SPC25: variants seen among roughly 807,000 people sequenced by gnomAD.
The protein encoded by SPC25 is SPC25 component of NDC80 kinetochore complex.
SPC25 carries 22 observed loss-of-function variants against 29.6 expected under a neutral mutation model. The observed-to-expected ratio is 0.74, with a 90% CI of 0.53 to 1.06. The LOEUF (loss-of-function observed/expected upper bound fraction) is 1.06, where lower values mean the gene tolerates loss of function less well. Ranked by LOEUF, SPC25 falls within the 50% of genes least tolerant of loss-of-function variation. The pLI is 0.00. For synonymous variants in SPC25, 91 were observed against 90.4 expected (o/e 1.01, Z -0.04); for missense variants, 230 against 255.8 (o/e 0.90, Z 0.69).
At chr2:168,863,493 A>ATCTT in intron 4 of SPC25, 1 of 985,418 alleles carries the variant, frequency 1.0e-6, no homozygotes, top group Non-Finnish European at 1.2e-6. Flanking sequence ...AAGGGGGCAG[A>ATCTT]TCTTTCTACT....
chr2:168,861,590 G>C (rs554794551), intron 4 of SPC25, among the ~76,000 whole-genome samples: 1 of 152,136 alleles, frequency 6.6e-6, no homozygotes, highest in South Asian at 2.1e-4. Context: ...ACACAGCTAG[G>C]GATGATGATA....
Position 168,882,622 on chromosome 2 carries a change from TAAAC to T in SPC25, c.200-5242_200-5239del, listed in dbSNP as rs1400105326. ...TCTCAAAAATAAATAAATAAATAAATAAACAGACAGACAGACTGCATTCAAACTC... is the reference window on the plus strand; with the variant it reads ...TCTCAAAAATAAATAAATAAATAAATAGACAGACAGACTGCATTCAAACTC... On this transcript the variant is annotated intron_variant, in intron 3 of 6. Transcript: ENST00000282074. 4.6e-5 allele frequency among the ~76,000 whole-genome samples: 7 copies of T among 151,124 alleles called. No individual in the cohort carries two copies. The East Asian group carries it at 7.7e-4, about 17-fold the overall frequency.
intron 4 of SPC25, chr2:168,864,711 A>G: frequency 9.2e-7 from 1 of 1,092,362 alleles, no homozygotes; most frequent in Non-Finnish European, 1.3e-6. Context: ...CATCTGAATC[A>G]AGTGCAGAAA....
downstream of SPC25, among the ~76,000 whole-genome samples, chr2:168,866,002 G>A (rs916944183): frequency 1.3e-5 from 2 of 152,294 alleles, no homozygotes; most frequent in African/African-American, 2.4e-5. Flanking sequence ...AACATTCCAT[G>A]CTCATGGGTA....
intron 3 of SPC25, among the ~76,000 whole-genome samples, chr2:168,886,417 T>C (rs1288650001): frequency 2.0e-5 from 3 of 152,200 alleles, no homozygotes; most frequent in African/African-American, 7.2e-5. Flanking sequence ...GAGTAGATTA[T>C]ACTTTATGCA....
intron 3 of SPC25, 21 bp from the exon 4 acceptor site, chr2:168,877,405 T>C: frequency 6.2e-7 from 1 of 1,613,016 alleles, no homozygotes; most frequent in Non-Finnish European, 8.5e-7. Context: ...CACAAGGTAT[T>C]AGCTAGAATA....
chr2:168,884,630 A>G (rs1690230401), intron 3 of SPC25, among the ~76,000 whole-genome samples: 1 of 151,988 alleles, frequency 6.6e-6, no homozygotes, highest in Admixed American at 6.6e-5. Context: ...CTCCTCTTTT[A>G]GTTTTGGTGA....
At chr2:168,877,588 T>A (rs1409747277) in intron 3 of SPC25, among the ~76,000 whole-genome samples, 2 of 151,164 alleles carry the variant, frequency 1.3e-5, no homozygotes, top group East Asian at 3.9e-4. Context: ...TTAAAAAAAA[T>A]GAGACAGAAA....
intron 4 of SPC25, among the ~76,000 whole-genome samples, chr2:168,861,692 A>G (rs1412742153): frequency 6.6e-6 from 1 of 152,216 alleles, no homozygotes; most frequent in Non-Finnish European, 1.5e-5. Flanking sequence ...CTATTATTAT[A>G]CAATGATGTT....
chr2:168,863,762 T>C (rs761070863), intron 4 of SPC25: 24 of 601,036 alleles, frequency 4.0e-5, no homozygotes, highest in Non-Finnish European at 5.0e-5. Flanking sequence ...GACATACTTA[T>C]AGCAGCCAAC....
intron 6 of SPC25, among the ~76,000 whole-genome samples, chr2:168,872,757 A>T (rs948554247): frequency 6.6e-6 from 1 of 152,204 alleles, no homozygotes; most frequent in Non-Finnish European, 1.5e-5. Flanking sequence ...ATTAGATTGG[A>T]AGATATTTAT....
In SPC25 at chr2:168,865,817, A is replaced by G. The variant is rs534268698; in HGVS notation, n.419+7768T>C. On this transcript the variant is annotated intron_variant and non_coding_transcript_variant, in intron 4 of 4. Coordinates refer to the SPC25 transcript ENST00000479309. ...GTGCAAACATCACAAGCATTCTTAT[A>G]TACACCAATAACAGACAAACAGAGA... Among the ~76,000 whole-genome samples, 155 of 152,344 alleles carry G rather than the reference A, an allele frequency of 1.0e-3. 1 individual carries two copies. The highest frequency in any genetic ancestry group is 3.5e-3 in the African/African-American group (147 of 41,584).
downstream of SPC25, among the ~76,000 whole-genome samples, chr2:168,866,959 A>C (rs1238831781): frequency 1.3e-5 from 2 of 152,234 alleles, no homozygotes; most frequent in African/African-American, 2.4e-5. Context: ...CAATCATTAA[A>C]AAGTCAGGAA....
At chr2:168,881,925 T>C (rs1315243665) in intron 3 of SPC25, among the ~76,000 whole-genome samples, 3 of 152,204 alleles carry the variant, frequency 2.0e-5, no homozygotes, top group Non-Finnish European at 4.4e-5. Context: ...TTGAACAACA[T>C]CTCTCAAGAC....
Position 168,890,425 on chromosome 2 carries a change from G to T in SPC25, c.-122C>A, listed in dbSNP as rs1266303902. 1.0e-4 allele frequency: 99 copies of T among 985,374 alleles called. No homozygotes were observed. The highest frequency in any genetic ancestry group is 1.1e-4 in the East Asian group (1 of 8,808). 61.0% of individuals were successfully genotyped at this position (985,374 alleles called of 1,614,324 possible). A position where few individuals can be genotyped will look rare whatever the true frequency, so the allele number is the denominator to read the frequency against. On this transcript the variant is annotated 5_prime_UTR_variant, in exon 1 of 7. Transcript: ENST00000282074. ...GCTCCCGCAGCCCCGCCAACTTTCC[G>T]ATTTCAAACCTAGTGCACTTCCCGC...
At position 168,877,377 on chromosome 2, in the gene SPC25, G is replaced by A; in HGVS notation, c.207C>T (p.Ser69=). The change falls in exon 4 of 7, where the codon AGC becomes AGT. Residue 69 remains serine, a synonymous_variant. Coordinates refer to ENST00000282074, the MANE Select transcript of SPC25 (RefSeq NM_020675.4). Reference sequence around the variant, plus strand: ...TTTCTTGAATGAGCTTATTTTGCCTGCTGATCTCTGTAAGAAGCACAAGGT... The same window carrying A: ...TTTCTTGAATGAGCTTATTTTGCCTACTGATCTCTGTAAGAAGCACAAGGT... The part of the protein sequence containing the change: ...EMFLEYQNQI[S]RQNKLIQEKK... 1.9e-6 allele frequency: 3 copies of A among 1,613,436 alleles called. No individual in the cohort carries two copies. Among genetic ancestry groups the A allele is most frequent in the Non-Finnish European group, 2.5e-6 (3 of 1,179,760 alleles).
At chr2:168,882,397 G>A (rs1355934797) in intron 3 of SPC25, among the ~76,000 whole-genome samples, 1 of 152,234 alleles carries the variant, frequency 6.6e-6, no homozygotes, top group African/African-American at 2.4e-5. Context: ...ATGAGGTCAG[G>A]AGATCGAGAC....
intron 6 of SPC25, among the ~76,000 whole-genome samples, chr2:168,872,508 G>A (rs1574358637): frequency 1.3e-5 from 2 of 152,260 alleles, no homozygotes; most frequent in South Asian, 4.1e-4. Flanking sequence ...CAAAGGAAAA[G>A]AAATTCACCC....
At chr2:168,862,897 T>G (rs1027232750) in intron 4 of SPC25, among the ~76,000 whole-genome samples, 2 of 152,194 alleles carry the variant, frequency 1.3e-5, no homozygotes, top group African/African-American at 4.8e-5. Flanking sequence ...CCAGAGCCAA[T>G]GGAAAATCAA....
Sources: allele counts gnomAD v4.1 joint callset (sites outside exome capture counted in the v4.1 genomes callset), GRCh38; gene constraint gnomAD v4.1.1; transcripts MANE v1.5; gene names NCBI Gene and HGNC (gene_info 2026-07-23, HGNC 2026-07-21).